ADAMTS9: variants seen among roughly 807,000 people sequenced by gnomAD.
The protein encoded by ADAMTS9 is A disintegrin and metalloproteinase with thrombospondin motifs 9.
A neutral mutation model predicts 257.1 loss-of-function variants in ADAMTS9; 107 were observed. The ratio of observed to expected loss-of-function variants is 0.42; its 90% CI spans 0.36 to 0.49. ADAMTS9 has a LOEUF of 0.49. ADAMTS9 is among the 20% of genes least tolerant of loss of function. The pLI is 0.03. For synonymous variants in ADAMTS9, 982 were observed against 880.9 expected (o/e 1.11, Z -2.03); for missense variants, 2,353 against 2,469.1 (o/e 0.95, Z 1.00).
At chr3:64,674,507 A>G (rs1298343402) in intron 3 of ADAMTS9, among the ~76,000 whole-genome samples, 1 of 152,170 alleles carries the variant, frequency 6.6e-6, no homozygotes, top group East Asian at 1.9e-4. Context: ...CCTCCCATGA[A>G]CTGTTGCAGG....
chr3:64,608,876 C>A (rs2084614281), intron 22 of ADAMTS9, among the ~76,000 whole-genome samples: 2 of 151,886 alleles, frequency 1.3e-5, no homozygotes, highest in African/African-American at 2.4e-5. Flanking sequence ...AAATCCTCAA[C>A]AAAGTACTAA....
chr3:64,670,248 C>T (rs1701454048), intron 3 of ADAMTS9, among the ~76,000 whole-genome samples: 1 of 152,168 alleles, frequency 6.6e-6, no homozygotes, highest in Non-Finnish European at 1.5e-5. Context: ...GCAGAGGCTC[C>T]CCTGGACCTG....
intron 23 of ADAMTS9, among the ~76,000 whole-genome samples, chr3:64,605,947 G>A (rs2084549365): frequency 6.6e-6 from 1 of 152,136 alleles, no homozygotes. Flanking sequence ...GAATACATTT[G>A]TTGATTTTTG....
At chr3:64,619,811 C>T (rs1165867165) in intron 19 of ADAMTS9, among the ~76,000 whole-genome samples, 1 of 152,082 alleles carries the variant, frequency 6.6e-6, no homozygotes, top group Non-Finnish European at 1.5e-5. Flanking sequence ...AAGGTTGTGC[C>T]TCAAGGAATC....
In ADAMTS9 at chr3:64,540,798, CTTCA is replaced by C. The variant is rs145689016; in HGVS notation, c.5521+293_5521+296del. Among the ~76,000 whole-genome samples the C allele has an allele frequency of 4.6e-4, 70 of 152,184 alleles. 3 individuals are homozygous for C. The South Asian group carries it at 0.011, about 25-fold the overall frequency. On this transcript the variant is annotated intron_variant, in intron 36 of 39. Coordinates refer to ENST00000498707, the MANE Select transcript of ADAMTS9 (RefSeq NM_182920.2). The stretch of plus-strand genomic sequence containing the variant: ...TGCTTCTTTCATGCACTTTCACCTA[CTTCA>C]TTCATTCATTCATTCATTCAGTTCA...
chr3:64,525,075 C>G (rs1000948556), intron 38 of ADAMTS9, among the ~76,000 whole-genome samples: 1 of 152,210 alleles, frequency 6.6e-6, no homozygotes, highest in Non-Finnish European at 1.5e-5. Flanking sequence ...TCTTTAACAT[C>G]TGTCTTCCTA....
chr3:64,552,939 A>G (rs1223085023), intron 30 of ADAMTS9, among the ~76,000 whole-genome samples: 1 of 152,102 alleles, frequency 6.6e-6, no homozygotes, highest in Non-Finnish European at 1.5e-5. Flanking sequence ...TCTAATGGGC[A>G]GCCTTTCCTT....
At chr3:64,527,791 G>A (rs2082928240) in intron 38 of ADAMTS9, among the ~76,000 whole-genome samples, 2 of 152,012 alleles carry the variant, frequency 1.3e-5, no homozygotes, top group South Asian at 4.1e-4. Context: ...TACTCTACTG[G>A]TCTGTGGTAT....
intron 26 of ADAMTS9, among the ~76,000 whole-genome samples, chr3:64,600,714 G>T (rs1190273945): frequency 6.6e-6 from 1 of 152,196 alleles, no homozygotes; most frequent in Non-Finnish European, 1.5e-5. Flanking sequence ...AAGCAAGAGA[G>T]GGGGATGGGA....
At chr3:64,549,550 G>GTCTC (rs1193689304) in intron 31 of ADAMTS9, among the ~76,000 whole-genome samples, 1 of 152,126 alleles carries the variant, frequency 6.6e-6, no homozygotes, top group Non-Finnish European at 1.5e-5. Context: ...TCAGAACCAT[G>GTCTC]TCTCCTCTTC....
At chr3:64,621,830 G>C (rs1191775828) in intron 18 of ADAMTS9, among the ~76,000 whole-genome samples, 1 of 151,380 alleles carries the variant, frequency 6.6e-6, no homozygotes, top group East Asian at 1.9e-4. Context: ...GTAGGCGGTA[G>C]GCTGGATTTG....
intron 22 of ADAMTS9, among the ~76,000 whole-genome samples, 191 bp downstream of exon 22, chr3:64,613,154 G>A (rs2084697860): frequency 6.6e-6 from 1 of 152,156 alleles, no homozygotes; most frequent in Admixed American, 6.5e-5. Context: ...CTCCAGGAGG[G>A]CAGGCAGCAA....
intron 3 of ADAMTS9, among the ~76,000 whole-genome samples, chr3:64,677,656 C>A (rs1701653727): frequency 6.6e-6 from 1 of 152,118 alleles, no homozygotes; most frequent in Non-Finnish European, 1.5e-5. Flanking sequence ...GATTGTCTAC[C>A]ACATGCTAAA....
intron 3 of ADAMTS9, among the ~76,000 whole-genome samples, chr3:64,674,101 T>A (rs200829807): frequency 3.8e-4 from 49 of 128,388 alleles, no homozygotes; most frequent in Admixed American, 1.6e-3. Context: ...AGTTTTTTTT[T>A]AAAAAAAAAG....
At position 64,516,526 on chromosome 3, in the gene ADAMTS9, AATAC is replaced by A. The variant is rs1336730798; in HGVS notation, c.*597_*600del. 2.0e-5 allele frequency: 3 copies of A among 152,628 alleles called. No individual in the cohort carries two copies. The highest frequency in any genetic ancestry group is 4.4e-5 in the Non-Finnish European group (3 of 68,042). 9.5% of individuals were successfully genotyped at this position (152,628 alleles called of 1,614,324 possible). Reference sequence around the variant, plus strand: ...TATTTCTGAGTCGGATGATCATTTAAATACATACAATATTAGCACCAAGGCAGCA... The same window carrying A: ...TATTTCTGAGTCGGATGATCATTTAAATACAATATTAGCACCAAGGCAGCA... On this transcript the variant is annotated 3_prime_UTR_variant, in exon 40 of 40. Transcript: ENST00000498707.
At chr3:64,573,117 A>G (rs1032372632) in intron 28 of ADAMTS9, among the ~76,000 whole-genome samples, 2 of 150,448 alleles carry the variant, frequency 1.3e-5, no homozygotes, top group African/African-American at 4.9e-5. Flanking sequence ...AGAAAAAAAG[A>G]AAAGGCAGGG....
intron 11 of ADAMTS9, among the ~76,000 whole-genome samples, chr3:64,643,317 T>C (rs1373297987): frequency 1.3e-5 from 2 of 152,128 alleles, no homozygotes; most frequent in Non-Finnish European, 2.9e-5. Flanking sequence ...GAACCACATA[T>C]ATAATTTAAG....
At chr3:64,631,619 A>G in intron 15 of ADAMTS9, 69 bp from the exon 16 acceptor site, 5 of 1,387,798 alleles carry the variant, frequency 3.6e-6, no homozygotes, top group Non-Finnish European at 5.1e-6. Flanking sequence ...TGGAATAAAA[A>G]GTGGACAACA....
chr3:64,597,244 C>A (rs1341387548), intron 26 of ADAMTS9, among the ~76,000 whole-genome samples: 1 of 152,142 alleles, frequency 6.6e-6, no homozygotes, highest in Non-Finnish European at 1.5e-5. Context: ...ACAGGGGTTC[C>A]ATAAATGCCT....
Sources: allele counts gnomAD v4.1 joint callset (sites outside exome capture counted in the v4.1 genomes callset), GRCh38; gene constraint gnomAD v4.1.1; transcripts MANE v1.5; gene names NCBI Gene and HGNC (gene_info 2026-07-23, HGNC 2026-07-21).